LCORL: variants seen among roughly 807,000 people sequenced by gnomAD.
LCORL encodes the protein ligand-dependent nuclear receptor corepressor-like protein.
LCORL carries 41 observed loss-of-function variants against 141.8 expected under a neutral mutation model. The ratio of observed to expected loss-of-function variants is 0.29; its 90% CI spans 0.23 to 0.38. LCORL has a LOEUF of 0.38. LCORL is among the 10% of genes least tolerant of loss of function. LCORL has a pLI of 1.00. For synonymous variants in LCORL, 618 were observed against 694.1 expected (o/e 0.89, Z 1.72); for missense variants, 1,759 against 2,035.0 (o/e 0.86, Z 2.61).
At chr4:17,924,017 G>A (rs1734720243) in intron 4 of LCORL, among the ~76,000 whole-genome samples, 1 of 151,834 alleles carries the variant, frequency 6.6e-6, no homozygotes, top group Non-Finnish European at 1.5e-5. Flanking sequence ...TTCTTTGAAG[G>A]AGAAATGGCC....
chr4:17,914,790 TA>T lies in LCORL; in HGVS notation c.431-5446del, dbSNP rs1003582021. Among the ~76,000 whole-genome samples the T allele has an allele frequency of 9.8e-5, 15 of 152,306 alleles. No individual in the cohort carries two copies. The East Asian group carries it at 2.7e-3, about 27-fold the overall frequency. ...CTGCCCCCTATCAGACAAGAACAAT[TA>T]TTTTTTGCCTTATTTCTTCACTTCC... On this transcript the variant is annotated intron_variant, in intron 4 of 7. Coordinates refer to ENST00000635767, the Ensembl canonical transcript of LCORL.
intron 1 of LCORL, among the ~76,000 whole-genome samples, chr4:18,002,780 TCAGC>T (rs1722178601): frequency 6.6e-6 from 1 of 152,222 alleles, no homozygotes; most frequent in Non-Finnish European, 1.5e-5. Flanking sequence ...TTTTTAAAAC[TCAGC>T]CCAAGTCTTC....
At chr4:17,875,260 T>C (rs916821520) in exon 7 of LCORL, 1 of 1,231,574 alleles carries the variant, frequency 8.1e-7, no homozygotes, top group Non-Finnish European at 1.0e-6. Context: ...GGCTTCCTAC[T>C]TATTGCCAAA....
At chr4:18,016,948 C>T (rs1238549414) in intron 1 of LCORL, among the ~76,000 whole-genome samples, 6 of 152,094 alleles carry the variant, frequency 3.9e-5, no homozygotes, top group Admixed American at 2.6e-4. Context: ...AAACCTACTG[C>T]TTATATTTTG....
At chr4:17,891,603 CTGCAA>C (rs1346780343) in intron 5 of LCORL, among the ~76,000 whole-genome samples, 1 of 152,068 alleles carries the variant, frequency 6.6e-6, no homozygotes, top group Admixed American at 6.6e-5. Context: ...CATGAAAAAA[CTGCAA>C]ATGCTACTGT....
Position 17,960,509 on chromosome 4 carries a change from T to C in LCORL, c.430+1394A>G, listed in dbSNP as rs187434416. On this transcript the variant is annotated intron_variant, in intron 4 of 7. Transcript: ENST00000635767. ...TACTGTGTGCATGTGTGTAAATGTG[T>C]ATATTTCTTCCAGTTCTCTTAGTGA... is the stretch of plus-strand genomic sequence containing the variant. 1.1e-4 allele frequency among the ~76,000 whole-genome samples: 16 copies of C among 152,320 alleles called. No individual in the cohort carries two copies. In the East Asian group the frequency reaches 2.7e-3, roughly 26 times the overall value.
At chr4:17,901,278 C>T (rs1224376862) in intron 5 of LCORL, among the ~76,000 whole-genome samples, 1 of 151,354 alleles carries the variant, frequency 6.6e-6, no homozygotes, top group Non-Finnish European at 1.5e-5. Flanking sequence ...GTAAAGTTAC[C>T]TATAAGGAAA....
rs112220503 is a variant in LCORL at position 17,846,988 on chromosome 4, A to C, written c.5603-1087T>G. On this transcript the variant is annotated intron_variant, in intron 7 of 7. Transcript: ENST00000635767. ...GCACAGTGCTAAATACACAGTAATT[A>C]CTCAAAAATTCAATAAACATTTATA... Among the ~76,000 whole-genome samples, 77 of 152,314 alleles carry C rather than the reference A, an allele frequency of 5.1e-4. 2 individuals carry two copies. Among genetic ancestry groups the C allele is most frequent in the African/African-American group, 1.7e-3 (69 of 41,570 alleles).
chr4:18,021,871 T>C lies in LCORL; in HGVS notation c.-120A>G, dbSNP rs1311679741. Reference sequence around the variant, plus strand: ...CCCCGGAGGGGGGTTGATTGACACGTGTCACTACCTTCCCTCTGCCCTGCC... The same window carrying C: ...CCCCGGAGGGGGGTTGATTGACACGCGTCACTACCTTCCCTCTGCCCTGCC... On this transcript the variant is annotated 5_prime_UTR_variant, in exon 1 of 8. Transcript: ENST00000635767. This position sits in a 1 kb window ranked among gnomAD's most constrained non-coding sequence, Gnocchi z 5.5. The C allele has an allele frequency of 1.8e-6, 2 of 1,129,778 alleles. No individual in the cohort carries two copies. Among genetic ancestry groups the C allele is most frequent in the Non-Finnish European group, 2.4e-6 (2 of 842,114 alleles). The allele number at this position is 1,129,778 out of a possible 1,614,324, so 70.0% of individuals were successfully genotyped here.
At chr4:17,981,025 C>T (rs1298687782) in intron 1 of LCORL, among the ~76,000 whole-genome samples, 1 of 152,166 alleles carries the variant, frequency 6.6e-6, no homozygotes, top group East Asian at 1.9e-4. Context: ...CTTAATCCTT[C>T]CAAAGACCAA....
intron 1 of LCORL, among the ~76,000 whole-genome samples, chr4:17,996,314 T>A (rs1720916663): frequency 6.6e-6 from 1 of 152,036 alleles, no homozygotes; most frequent in Non-Finnish European, 1.5e-5. Flanking sequence ...ATAATCTAGA[T>A]GTATAGAGAA....
chr4:18,014,472 T>A (rs1456308938), intron 1 of LCORL, among the ~76,000 whole-genome samples: 1 of 151,948 alleles, frequency 6.6e-6, no homozygotes, highest in African/African-American at 2.4e-5. Flanking sequence ...TCTGTCCTAA[T>A]GCTTACTGCA....
chr4:17,989,629 G>A (rs1719619383), intron 1 of LCORL, among the ~76,000 whole-genome samples: 2 of 152,046 alleles, frequency 1.3e-5, no homozygotes, highest in East Asian at 3.8e-4. Flanking sequence ...CTTCATATAT[G>A]TCCAAAATAA....
In LCORL at chr4:18,021,834, G is replaced by C; in HGVS notation, c.-83C>G. ...GGCGCGAGCCCTCGGCGCGAGCCCC[G>C]GAGCGCGCGCCCCCCGGAGGGGGGT... On this transcript the variant is annotated 5_prime_UTR_variant, in exon 1 of 8. Coordinates refer to ENST00000635767, the Ensembl canonical transcript of LCORL. The surrounding 1 kb of genome is among the most constrained non-coding windows in gnomAD (Gnocchi z 5.5). 7.2e-7 allele frequency: 1 copy of C among 1,389,132 alleles called. No homozygotes were observed. The highest frequency in any genetic ancestry group is 9.3e-7 in the Non-Finnish European group (1 of 1,077,546). 86.1% of individuals were successfully genotyped at this position (1,389,132 alleles called of 1,614,324 possible).
chr4:17,970,948 C>T (rs1715812000), intron 2 of LCORL, among the ~76,000 whole-genome samples: 1 of 152,080 alleles, frequency 6.6e-6, no homozygotes, highest in South Asian at 2.1e-4. Flanking sequence ...TGATATTCCA[C>T]ACTAGCATTA....
chr4:17,928,982 G>A (rs1200662621), intron 4 of LCORL, among the ~76,000 whole-genome samples: 1 of 152,002 alleles, frequency 6.6e-6, no homozygotes. Flanking sequence ...ATACAAAAAT[G>A]AATTTTATTT....
chr4:17,914,483 T>C (rs757080725), intron 4 of LCORL, among the ~76,000 whole-genome samples: 3 of 152,224 alleles, frequency 2.0e-5, no homozygotes, highest in Non-Finnish European at 4.4e-5. Context: ...CACTCACTTT[T>C]TGTCCCTTTA....
At chr4:17,901,574 CAAG>C (rs1333106912) in intron 5 of LCORL, among the ~76,000 whole-genome samples, 1 of 151,950 alleles carries the variant, frequency 6.6e-6, no homozygotes, top group African/African-American at 2.4e-5. Flanking sequence ...TGTGATGTCA[CAAG>C]AAGGGAAACA....
intron 4 of LCORL, among the ~76,000 whole-genome samples, chr4:17,943,997 A>G (rs944208984): frequency 6.6e-6 from 1 of 152,208 alleles, no homozygotes; most frequent in Admixed American, 6.5e-5. Context: ...TTTCCTCAAA[A>G]GAGGATATGG....
Sources: gnomAD v4.1 joint callset for allele counts (sites outside exome capture counted in the v4.1 genomes callset) on GRCh38, gnomAD v4.1.1 for gene constraint, Gnocchi (gnomAD v3.1) non-coding constraint, MANE v1.5 for transcripts, NCBI Gene and HGNC (gene_info 2026-07-23, HGNC 2026-07-21) for gene names.